ZFYVE9: variants seen among roughly 807,000 people sequenced by gnomAD.
ZFYVE9 encodes the protein zinc finger FYVE domain-containing protein 9.
Under a neutral mutation model 126.7 loss-of-function variants are expected in ZFYVE9, and 43 were observed. The observed-to-expected ratio is 0.34, with a 90% CI of 0.27 to 0.44. ZFYVE9 has a LOEUF of 0.44. Ranked by LOEUF, ZFYVE9 falls within the 20% of genes least tolerant of loss-of-function variation. The pLI, the probability that ZFYVE9 is intolerant of heterozygous loss-of-function variation, is 1.00. For synonymous variants in ZFYVE9, 521 were observed against 597.4 expected (o/e 0.87, Z 1.87); for missense variants, 1,476 against 1,697.0 (o/e 0.87, Z 2.29).
intron 12 of ZFYVE9, among the ~76,000 whole-genome samples, chr1:52,298,870 C>T (rs189251941): frequency 7.4e-5 from 10 of 134,406 alleles, no homozygotes; most frequent in East Asian, 6.5e-4. Context: ...AGTGCAGTGG[C>T]GCAATTTCGG....
At chr1:52,323,457 G>A (rs1283562773) in intron 13 of ZFYVE9, among the ~76,000 whole-genome samples, 1 of 152,178 alleles carries the variant, frequency 6.6e-6, no homozygotes, top group Admixed American at 6.5e-5. Flanking sequence ...GTGAGGGCAG[G>A]AATTTGTTTG....
At chr1:52,226,280 T>A (rs1453115832) in intron 2 of ZFYVE9, among the ~76,000 whole-genome samples, 1 of 152,166 alleles carries the variant, frequency 6.6e-6, no homozygotes, top group Non-Finnish European at 1.5e-5. Flanking sequence ...AGCTCCCAGC[T>A]TCCTTGTCTG....
chr1:52,339,399 A>AT (rs1210144139), intron 16 of ZFYVE9, among the ~76,000 whole-genome samples: 2 of 151,676 alleles, frequency 1.3e-5, no homozygotes, highest in Admixed American at 6.6e-5. Context: ...GGTGATTCTC[A>AT]TGCCTCAGCC....
At chr1:52,181,442 C>T (rs1644702275) in intron 1 of ZFYVE9, among the ~76,000 whole-genome samples, 1 of 152,232 alleles carries the variant, frequency 6.6e-6, no homozygotes, top group Admixed American at 6.5e-5. Context: ...ACAATCTCCA[C>T]CTCCCAGCCG....
intron 17 of ZFYVE9, among the ~76,000 whole-genome samples, chr1:52,342,650 C>T (rs942456505): frequency 6.6e-6 from 1 of 151,736 alleles, no homozygotes; most frequent in Non-Finnish European, 1.5e-5. Flanking sequence ...ATTCTCCTGC[C>T]TCAGCTTTCT....
intron 12 of ZFYVE9, among the ~76,000 whole-genome samples, chr1:52,297,870 G>A (rs1213585921): frequency 2.0e-5 from 3 of 151,650 alleles, no homozygotes; most frequent in African/African-American, 4.8e-5. Context: ...TTACAGGCAC[G>A]AAACACCATG....
At chr1:52,270,614 A>T (rs1333057623) in intron 7 of ZFYVE9, among the ~76,000 whole-genome samples, 1 of 152,132 alleles carries the variant, frequency 6.6e-6, no homozygotes, top group Non-Finnish European at 1.5e-5. Flanking sequence ...ATTAATTTTT[A>T]AAATAAAATT....
intron 1 of ZFYVE9, among the ~76,000 whole-genome samples, chr1:52,167,114 G>A (rs1369006004): frequency 2.0e-5 from 3 of 152,122 alleles, no homozygotes; most frequent in South Asian, 2.1e-4. Context: ...CAAACACATG[G>A]TATCAGTAAG....
intron 1 of ZFYVE9, among the ~76,000 whole-genome samples, chr1:52,185,604 A>G (rs1644757454): frequency 6.6e-6 from 1 of 152,168 alleles, no homozygotes; most frequent in South Asian, 2.1e-4. Context: ...ATCCTTTGTT[A>G]AAAATAAAAT....
chr1:52,309,080 T>G (rs927035496), intron 13 of ZFYVE9, among the ~76,000 whole-genome samples: 1 of 152,246 alleles, frequency 6.6e-6, no homozygotes, highest in South Asian at 2.1e-4. Context: ...CCTGAATCCC[T>G]AACAGAGCAA....
chr1:52,276,505 A>G (rs1280594793), intron 8 of ZFYVE9, among the ~76,000 whole-genome samples: 1 of 152,222 alleles, frequency 6.6e-6, no homozygotes, highest in Admixed American at 6.5e-5. Context: ...TATTTAAAAC[A>G]ATTATATAAC....
At chr1:52,154,357 A>G (rs1227030653) in intron 1 of ZFYVE9, among the ~76,000 whole-genome samples, 1 of 152,152 alleles carries the variant, frequency 6.6e-6, no homozygotes, top group Non-Finnish European at 1.5e-5. Flanking sequence ...TTTGTTGCTC[A>G]TAGGTTGGAT....
chr1:52,180,070 TG>T (rs1644683355), intron 1 of ZFYVE9: 1 of 849,628 alleles, frequency 1.2e-6, no homozygotes, highest in Admixed American at 1.7e-5. Flanking sequence ...CAGCAGAGAC[TG>T]GCTGAGTGGA....
intron 13 of ZFYVE9, among the ~76,000 whole-genome samples, chr1:52,330,022 GATAACATAACATAAC>G (rs55926257): frequency 1.3e-5 from 2 of 151,224 alleles, no homozygotes; most frequent in East Asian, 2.0e-4. Flanking sequence ...TGTCAACCTG[GATAACATAACATAAC>G]ATAACATAAC....
intron 1 of ZFYVE9, among the ~76,000 whole-genome samples, chr1:52,188,209 A>G (rs922058814): frequency 2.7e-5 from 3 of 110,846 alleles, no homozygotes; most frequent in Non-Finnish European, 5.4e-5. Flanking sequence ...CGTTGTACTT[A>G]GGAAACTAAT....
chr1:52,346,387 G>T lies in ZFYVE9; in HGVS notation c.*166G>T, dbSNP rs190773395. On this transcript the variant is annotated 3_prime_UTR_variant, in exon 19 of 19. Transcript: ENST00000287727. Reference sequence around the variant, plus strand: ...GGAGACGGGTGGGAAAGGGTGGTTGGGGGGACCGATGTTCCATAATTCTAA... The same window carrying T: ...GGAGACGGGTGGGAAAGGGTGGTTGTGGGGACCGATGTTCCATAATTCTAA... The T allele has an allele frequency of 1.8e-3, 1,287 of 701,226 alleles. 3 individuals are homozygous for T. Among genetic ancestry groups the T allele is most frequent in the Non-Finnish European group, 2.6e-3 (1,184 of 463,726 alleles). The allele number at this position is 701,226 out of a possible 1,614,324, so 43.4% of individuals were successfully genotyped here.
chr1:52,259,015 A>G (rs1473626862), intron 4 of ZFYVE9, among the ~76,000 whole-genome samples: 1 of 152,188 alleles, frequency 6.6e-6, no homozygotes, highest in Admixed American at 6.5e-5. Context: ...ACAGTTAGCA[A>G]AATACCACAA....
At chr1:52,330,529 A>T (rs1646331157) in intron 13 of ZFYVE9, among the ~76,000 whole-genome samples, 1 of 152,180 alleles carries the variant, frequency 6.6e-6, no homozygotes, top group African/African-American at 2.4e-5. Context: ...TTTTTAGATC[A>T]TATAGGGTAA....
intron 3 of ZFYVE9, among the ~76,000 whole-genome samples, chr1:52,234,682 A>G (rs1029021962): frequency 1.3e-5 from 2 of 152,186 alleles, no homozygotes; most frequent in Admixed American, 6.5e-5. Flanking sequence ...ATATTTTACC[A>G]TTGATGACCT....
Sources: allele counts gnomAD v4.1 joint callset (sites outside exome capture counted in the v4.1 genomes callset), GRCh38; gene constraint gnomAD v4.1.1; transcripts MANE v1.5; gene names NCBI Gene and HGNC (gene_info 2026-07-23, HGNC 2026-07-21).